Variants in CEPT1 observed in about 807,000 individuals in gnomAD.
CEPT1 encodes the protein choline/ethanolaminephosphotransferase 1.
A neutral mutation model predicts 42.6 loss-of-function variants in CEPT1; 7 were observed. The observed-to-expected ratio is 0.16, with a 90% confidence interval of 0.09 to 0.31. CEPT1 has a LOEUF of 0.31. Ranked by LOEUF, CEPT1 falls within the 10% of genes least tolerant of loss-of-function variation. The probability of loss-of-function intolerance (pLI) is 1.00; values close to 1 mark genes in which losing one functional copy is unlikely to be tolerated. For missense variants in CEPT1, 306 were observed against 502.1 expected, an observed-to-expected ratio of 0.61 and a Z score of 3.73; for synonymous variants, 171 against 171.9, an observed-to-expected ratio of 0.99 and a Z score of 0.04.
chr1:111,140,196 G>C (rs948374783), upstream of CEPT1: 2 of 152,266 alleles, frequency 1.3e-5, no homozygotes, highest in African/African-American at 4.8e-5. Flanking sequence ...TTCAAACCTT[G>C]TTCCCCTTTA....
intron 1 of CEPT1, among the ~76,000 whole-genome samples, chr1:111,142,094 G>A (rs999526882): frequency 3.3e-5 from 5 of 151,950 alleles, no homozygotes; most frequent in Non-Finnish European, 7.4e-5. Flanking sequence ...CATTCCCCAT[G>A]CTAAAGTCCA....
At chr1:111,175,002 T>C (rs1268961554) in intron 5 of CEPT1, 39 bp downstream of exon 5, 3 of 1,216,052 alleles carry the variant, frequency 2.5e-6, no homozygotes, top group African/African-American at 1.5e-5. Context: ...GTAATGCATG[T>C]TGTCTTTTGC....
At chr1:111,177,840 CAGATT>C (rs77355087) in intron 5 of CEPT1, among the ~76,000 whole-genome samples, 24,316 of 152,016 alleles carry the variant, frequency 0.16, 2,504 homozygotes, top group Admixed American at 0.3. Context: ...AACGGGAAAA[CAGATT>C]CTCCCCCTGC....
At chr1:111,176,828 G>A (rs1656699978) in intron 5 of CEPT1, among the ~76,000 whole-genome samples, 1 of 152,128 alleles carries the variant, frequency 6.6e-6, no homozygotes, top group Non-Finnish European at 1.5e-5. Context: ...TACTATCTTA[G>A]CCACCCATGT....
chr1:111,146,103 T>C (rs984559683), intron 1 of CEPT1, among the ~76,000 whole-genome samples: 1 of 151,462 alleles, frequency 6.6e-6, no homozygotes, highest in African/African-American at 2.4e-5. Flanking sequence ...TTTTAAATGG[T>C]CTCTGTTCCT....
chr1:111,154,953 T>C (rs1655481277), intron 2 of CEPT1, among the ~76,000 whole-genome samples: 1 of 152,208 alleles, frequency 6.6e-6, no homozygotes, highest in African/African-American at 2.4e-5. Context: ...TTTTCTTCTT[T>C]TATTGCATCC....
chr1:111,156,846 A>T (rs563324717), intron 2 of CEPT1, among the ~76,000 whole-genome samples: 7 of 152,332 alleles, frequency 4.6e-5, no homozygotes, highest in African/African-American at 1.7e-4. Flanking sequence ...TAGTAAAACC[A>T]TATGTTTCTT....
At chr1:111,154,610 T>C (rs928863178) in intron 2 of CEPT1, among the ~76,000 whole-genome samples, 1 of 152,220 alleles carries the variant, frequency 6.6e-6, no homozygotes, top group Non-Finnish European at 1.5e-5. Context: ...CAGTATGATG[T>C]TAGCTGTTGG....
intron 5 of CEPT1, chr1:111,179,520 T>C (rs1384105347): frequency 6.6e-6 from 1 of 152,236 alleles, no homozygotes; most frequent in African/African-American, 2.4e-5. Flanking sequence ...GTGCCTGTTC[T>C]TTTTGACTTG....
intron 2 of CEPT1, among the ~76,000 whole-genome samples, chr1:111,153,439 C>T (rs1200317245): frequency 1.3e-5 from 2 of 152,134 alleles, no homozygotes; most frequent in East Asian, 1.9e-4. Context: ...CTGCCTCAGC[C>T]TCCCAGAGTG....
chr1:111,153,945 G>A (rs1400809893), intron 2 of CEPT1, among the ~76,000 whole-genome samples: 1 of 151,968 alleles, frequency 6.6e-6, no homozygotes, highest in Admixed American at 6.6e-5. Context: ...TGAGGTTTTT[G>A]TGATTCCATA....
chr1:111,159,267 A>ATCT, intron 2 of CEPT1, 113 bp from the exon 3 acceptor site: 1 of 958,854 alleles, frequency 1.0e-6, no homozygotes, highest in Non-Finnish European at 1.6e-6. Flanking sequence ...TAGCACTTGG[A>ATCT]TCTTCTCTCC....
intron 2 of CEPT1, among the ~76,000 whole-genome samples, chr1:111,150,131 A>G (rs1180006111): frequency 2.0e-5 from 3 of 152,172 alleles, no homozygotes; most frequent in African/African-American, 7.2e-5. Flanking sequence ...GCCTGGATGC[A>G]TTTTTAGCTA....
chr1:111,159,957 T>G (rs1655783802), intron 3 of CEPT1: 1 of 153,972 alleles, frequency 6.5e-6, no homozygotes, highest in East Asian at 1.9e-4. Context: ...TATGACAAAT[T>G]AGGAGTATCG....
chr1:111,169,332 TTTA>T (rs1422914615), intron 4 of CEPT1, among the ~76,000 whole-genome samples: 3 of 152,218 alleles, frequency 2.0e-5, no homozygotes, highest in Non-Finnish European at 2.9e-5. Context: ...TAGCCCCTTT[TTTA>T]TTGTTGATTA....
intron 2 of CEPT1, among the ~76,000 whole-genome samples, chr1:111,157,311 C>T (rs1040389789): frequency 6.6e-6 from 1 of 152,050 alleles, no homozygotes; most frequent in East Asian, 1.9e-4. Context: ...CCCAAGAAAC[C>T]CCTAGATTTC....
chr1:111,154,732 T>A (rs1655468196), intron 2 of CEPT1, among the ~76,000 whole-genome samples: 1 of 152,250 alleles, frequency 6.6e-6, no homozygotes, highest in South Asian at 2.1e-4. Flanking sequence ...TTTCTGAGCC[T>A]ATTGAGATGA....
chr1:111,182,376 AT>A lies in CEPT1; in HGVS notation c.846+62del. On this transcript the variant is annotated intron_variant, in intron 6 of 8. Transcript: ENST00000357172. ...TACACTAGGACTTGGTTTTGTTGTC[AT>A]TTTGTTTTTTATTTCAAATGTATAA... The A allele has an allele frequency of 3.3e-6, 5 of 1,528,080 alleles. No homozygotes were observed. The South Asian group carries it at 6.1e-5, about 19-fold the overall frequency. 94.7% of individuals were successfully genotyped at this position (1,528,080 alleles called of 1,614,324 possible).
At chr1:111,146,627 A>T (rs1336570235) in intron 1 of CEPT1, among the ~76,000 whole-genome samples, 1 of 152,182 alleles carries the variant, frequency 6.6e-6, no homozygotes, top group Admixed American at 6.5e-5. Context: ...CTAATTTTTA[A>T]TTGTTCTATT....
Sources: gnomAD v4.1 joint callset for allele counts (sites outside exome capture counted in the v4.1 genomes callset) on GRCh38, gnomAD v4.1.1 for gene constraint, MANE v1.5 for transcripts, NCBI Gene and HGNC (gene_info 2026-07-23, HGNC 2026-07-21) for gene names.